ACOXL: variants seen among roughly 807,000 people sequenced by gnomAD.
The protein encoded by ACOXL is acyl-coenzyme A oxidase-like protein.
In ACOXL, 70 loss-of-function variants were observed where a neutral mutation model predicts 71.9. The ratio of observed to expected loss-of-function variants is 0.97; its 90% CI spans 0.80 to 1.19. ACOXL has a LOEUF of 1.19. Among genes scored for constraint, ACOXL ranks in the 50% most tolerant of loss-of-function variants. The pLI is 0.00. For missense variants in ACOXL, 703 were observed against 736.3 expected (o/e 0.95, Z 0.52); for synonymous variants, 253 against 281.6 (o/e 0.90, Z 1.02).
Position 111,118,040 on chromosome 2 carries a change from T to C in ACOXL, c.*224T>C. 1.6e-6 allele frequency: 1 copy of C among 606,544 alleles called. No individual in the cohort carries two copies. Among genetic ancestry groups the C allele is most frequent in the Non-Finnish European group, 2.9e-6 (1 of 346,774 alleles). 37.6% of individuals were successfully genotyped at this position (606,544 alleles called of 1,614,324 possible). ...TGGTGCGCTGGATCCCTGTGCCCTT[T>C]CCCTGAAACCCAGCCTGGCCTGACT... is the stretch of plus-strand genomic sequence containing the variant. On this transcript the variant is annotated 3_prime_UTR_variant, in exon 18 of 18. Transcript: ENST00000439055.
At chr2:110,740,364 A>G (rs975853680) in intron 1 of ACOXL, among the ~76,000 whole-genome samples, 5 of 152,208 alleles carry the variant, frequency 3.3e-5, no homozygotes, top group African/African-American at 9.7e-5. Flanking sequence ...CATTTGAGAT[A>G]CTGTGTCAGG....
chr2:110,930,524 T>C (rs1165176277), intron 11 of ACOXL, among the ~76,000 whole-genome samples: 1 of 152,158 alleles, frequency 6.6e-6, no homozygotes, highest in African/African-American at 2.4e-5. Context: ...CTTAAGACTT[T>C]GGGGGACTGT....
intron 1 of ACOXL, among the ~76,000 whole-genome samples, chr2:110,739,401 A>G (rs1427953251): frequency 2.0e-5 from 3 of 152,220 alleles, no homozygotes; most frequent in Admixed American, 2.0e-4. Flanking sequence ...TCCATGCACA[A>G]CGTGAGGCTG....
chr2:110,786,290 G>T lies in ACOXL; in HGVS notation c.159+1475G>T, dbSNP rs115578408. 2.3e-3 allele frequency among the ~76,000 whole-genome samples: 357 copies of T among 152,338 alleles called. 2 individuals carry two copies. Among genetic ancestry groups the T allele is most frequent in the African/African-American group, 8.3e-3 (347 of 41,572 alleles). ...CCAATATGGTGGTGATTTCAGTTTG[G>T]TGTGGACATTGTCTATTGGTAGGTA... is the stretch of plus-strand genomic sequence containing the variant. On this transcript the variant is annotated intron_variant, in intron 3 of 17. Coordinates refer to ENST00000439055, the MANE Select transcript of ACOXL (RefSeq NM_001142807.4).
chr2:110,766,920 C>T (rs1330587791), intron 1 of ACOXL, among the ~76,000 whole-genome samples: 1 of 152,204 alleles, frequency 6.6e-6, no homozygotes, highest in African/African-American at 2.4e-5. Flanking sequence ...ACTCCATCTG[C>T]TCTGCAAGAC....
At chr2:110,748,554 C>T (rs1678527102) in intron 1 of ACOXL, among the ~76,000 whole-genome samples, 1 of 152,214 alleles carries the variant, frequency 6.6e-6, no homozygotes, top group African/African-American at 2.4e-5. Flanking sequence ...CCTGTCTTCG[C>T]ATTTTCTCAG....
At chr2:110,837,377 A>G (rs1182556163) in intron 9 of ACOXL, among the ~76,000 whole-genome samples, 2 of 152,186 alleles carry the variant, frequency 1.3e-5, no homozygotes. Context: ...AATCGTGAAC[A>G]TGTAAGGGAA....
At chr2:111,027,530 C>T (rs1456658407) in intron 14 of ACOXL, among the ~76,000 whole-genome samples, 1 of 151,682 alleles carries the variant, frequency 6.6e-6, no homozygotes, top group African/African-American at 2.4e-5. Flanking sequence ...CCATATTGGC[C>T]AGGCTAGGCT....
intron 17 of ACOXL, among the ~76,000 whole-genome samples, chr2:111,114,753 T>C (rs2070228100): frequency 6.6e-6 from 1 of 151,996 alleles, no homozygotes; most frequent in Non-Finnish European, 1.5e-5. Context: ...TCCTTGGCCA[T>C]CCTACTCTCC....
intron 10 of ACOXL, among the ~76,000 whole-genome samples, chr2:110,868,946 T>C (rs1694945163): frequency 6.6e-6 from 1 of 152,122 alleles, no homozygotes; most frequent in Non-Finnish European, 1.5e-5. Flanking sequence ...TCCAAAATGC[T>C]CCCTCTGGAA....
intron 9 of ACOXL, among the ~76,000 whole-genome samples, chr2:110,826,034 T>C (rs924295783): frequency 6.6e-6 from 1 of 152,180 alleles, no homozygotes; most frequent in Non-Finnish European, 1.5e-5. Flanking sequence ...AAAAGGACAG[T>C]GACAGCCACA....
intron 2 of ACOXL, among the ~76,000 whole-genome samples, chr2:110,782,219 G>A (rs1290546899): frequency 3.3e-5 from 5 of 152,214 alleles, no homozygotes; most frequent in African/African-American, 1.2e-4. Context: ...CTGCTGCAAT[G>A]TAGAAGAGCA....
chr2:110,982,455 A>G (rs2062751131), intron 12 of ACOXL, among the ~76,000 whole-genome samples: 1 of 147,846 alleles, frequency 6.8e-6, no homozygotes, highest in Admixed American at 6.8e-5. Context: ...CATCCCTTCC[A>G]TCTCTGCCTA....
chr2:111,078,336 C>T (rs1004089515), intron 16 of ACOXL, among the ~76,000 whole-genome samples: 1 of 152,174 alleles, frequency 6.6e-6, no homozygotes, highest in Non-Finnish European at 1.5e-5. Flanking sequence ...GCGATGTCAG[C>T]TCACTGCAAC....
chr2:110,871,773 C>T (rs1217341810), intron 10 of ACOXL, among the ~76,000 whole-genome samples: 4 of 152,166 alleles, frequency 2.6e-5, no homozygotes, highest in Admixed American at 6.5e-5. Flanking sequence ...TCTCCCCTGA[C>T]CTCAGCTCCA....
chr2:111,047,366 T>C (rs1009060638), intron 15 of ACOXL, among the ~76,000 whole-genome samples: 12 of 152,180 alleles, frequency 7.9e-5, no homozygotes, highest in Admixed American at 2.6e-4. Flanking sequence ...AGTGTTTCAA[T>C]TTCCCTGACC....
At chr2:111,023,617 C>T (rs920418734) in intron 14 of ACOXL, among the ~76,000 whole-genome samples, 5 of 151,970 alleles carry the variant, frequency 3.3e-5, no homozygotes. Context: ...TGCTGCTGAG[C>T]GTTAGGTGGT....
intron 14 of ACOXL, among the ~76,000 whole-genome samples, chr2:111,023,246 G>T (rs1355209429): frequency 6.6e-6 from 1 of 152,108 alleles, no homozygotes; most frequent in Non-Finnish European, 1.5e-5. Context: ...GGGAGATTTA[G>T]GAGTAAGCAC....
At chr2:110,972,744 C>T (rs899252565) in intron 12 of ACOXL, among the ~76,000 whole-genome samples, 4 of 152,188 alleles carry the variant, frequency 2.6e-5, no homozygotes, top group African/African-American at 9.6e-5. Flanking sequence ...AAGCAAGTTT[C>T]CAAGAGTCCT....
Sources: allele counts gnomAD v4.1 joint callset (sites outside exome capture counted in the v4.1 genomes callset), GRCh38; gene constraint gnomAD v4.1.1; transcripts MANE v1.5; gene names NCBI Gene and HGNC (gene_info 2026-07-23, HGNC 2026-07-21).